The following TAFA1 variants were observed in gnomAD, a reference collection of about 807,000 sequenced individuals.
TAFA1 encodes chemokine-like protein TAFA-1.
A neutral mutation model predicts 18.5 loss-of-function variants in TAFA1; 4 were observed. That is an observed-to-expected ratio of 0.22 (90% CI 0.11 to 0.49). The LOEUF is 0.49. Ranked by LOEUF, TAFA1 falls within the 20% of genes least tolerant of loss-of-function variation. TAFA1 has a pLI of 0.98. For synonymous variants in TAFA1, 56 were observed against 55.2 expected, an observed-to-expected ratio of 1.01 and a Z score of -0.06; for missense variants, 147 against 169.0, an observed-to-expected ratio of 0.87 and a Z score of 0.72.
rs544228022 is a variant in TAFA1 at position 68,518,728 on chromosome 3, G to A, written c.260-20028G>A. Among the ~76,000 whole-genome samples, 17 of 152,224 alleles carry A rather than the reference G, an allele frequency of 1.1e-4. No individual in the cohort carries two copies. The South Asian group carries it at 3.5e-3, about 32-fold the overall frequency. Reference sequence around the variant, plus strand: ...ATAGGGGGAATGGAACATGTAGAGGGGTTAAGACAAGGTCCCATGACCACA... The same window carrying A: ...ATAGGGGGAATGGAACATGTAGAGGAGTTAAGACAAGGTCCCATGACCACA... On this transcript the variant is annotated intron_variant, in intron 3 of 4. Coordinates refer to ENST00000478136, the MANE Select transcript of TAFA1 (RefSeq NM_213609.4).
intron 2 of TAFA1, among the ~76,000 whole-genome samples, chr3:68,197,062 C>T (rs773232035): frequency 2.6e-4 from 40 of 151,750 alleles, no homozygotes; most frequent in Non-Finnish European, 5.0e-4. Context: ...ACAGCCTCAA[C>T]ATGTGTCACT....
At chr3:68,058,727 G>A (rs1470826554) in intron 2 of TAFA1, among the ~76,000 whole-genome samples, 1 of 152,190 alleles carries the variant, frequency 6.6e-6, no homozygotes, top group Admixed American at 6.5e-5. Flanking sequence ...GCTGCTTGTT[G>A]AACAGAGTTG....
chr3:67,993,011 T>G, the TAFA1 span, among the ~76,000 whole-genome samples: 1 of 152,202 alleles, frequency 6.6e-6, no homozygotes, highest in East Asian at 1.9e-4. Flanking sequence ...GGTCTGTGAT[T>G]GAGGAATCTT....
intron 2 of TAFA1, among the ~76,000 whole-genome samples, chr3:68,289,825 G>T (rs550187068): frequency 6.6e-6 from 1 of 152,286 alleles, no homozygotes; most frequent in African/African-American, 2.4e-5. Context: ...GATTCAGCAG[G>T]CAAGAGATTT....
chr3:68,541,919 G>T (rs191984483), intron 4 of TAFA1, among the ~76,000 whole-genome samples: 3 of 152,004 alleles, frequency 2.0e-5, no homozygotes, highest in Non-Finnish European at 4.4e-5. Context: ...AAACTTTATG[G>T]TGTTCATTTT....
chr3:68,352,040 G>C (rs2069279871), intron 2 of TAFA1, among the ~76,000 whole-genome samples: 1 of 151,984 alleles, frequency 6.6e-6, no homozygotes, highest in East Asian at 1.9e-4. Flanking sequence ...AAGGAATAGA[G>C]ATGTATAATC....
At chr3:68,223,644 G>A (rs2066759564) in intron 2 of TAFA1, among the ~76,000 whole-genome samples, 1 of 152,012 alleles carries the variant, frequency 6.6e-6, no homozygotes. Context: ...CCAAGCCTTG[G>A]AAGTCAAACA....
At chr3:68,379,770 T>G (rs997453870) in intron 2 of TAFA1, among the ~76,000 whole-genome samples, 1 of 151,812 alleles carries the variant, frequency 6.6e-6, no homozygotes, top group Non-Finnish European at 1.5e-5. Context: ...TTTTTTAAAT[T>G]TTATTATTAT....
At chr3:68,213,712 G>A (rs911299317) in intron 2 of TAFA1, among the ~76,000 whole-genome samples, 3 of 152,024 alleles carry the variant, frequency 2.0e-5, no homozygotes, top group Admixed American at 6.6e-5. Context: ...TAAATCACAT[G>A]CCACATCTTT....
At chr3:68,165,704 G>T (rs2065974818) in intron 2 of TAFA1, among the ~76,000 whole-genome samples, 1 of 152,166 alleles carries the variant, frequency 6.6e-6, no homozygotes, top group Non-Finnish European at 1.5e-5. Context: ...TGTGTGCCAG[G>T]CACATTTCTA....
At chr3:68,325,865 T>C (rs1259614913) in intron 2 of TAFA1, among the ~76,000 whole-genome samples, 1 of 152,094 alleles carries the variant, frequency 6.6e-6, no homozygotes, top group Non-Finnish European at 1.5e-5. Flanking sequence ...TTGAGAGAGG[T>C]TAAATAATCT....
intron 2 of TAFA1, among the ~76,000 whole-genome samples, chr3:68,367,862 A>T (rs185432339): frequency 1.5e-4 from 23 of 152,326 alleles, no homozygotes; most frequent in Non-Finnish European, 4.4e-5. Flanking sequence ...AGACAAAAAA[A>T]TAAAGGACAA....
chr3:68,375,650 G>T (rs2069796061), intron 2 of TAFA1, among the ~76,000 whole-genome samples: 1 of 152,126 alleles, frequency 6.6e-6, no homozygotes, highest in Non-Finnish European at 1.5e-5. Context: ...AAACAGATGT[G>T]AAGTCTGCTT....
At chr3:68,079,091 A>G (rs1205944309) in intron 2 of TAFA1, among the ~76,000 whole-genome samples, 3 of 152,092 alleles carry the variant, frequency 2.0e-5, no homozygotes, top group Non-Finnish European at 4.4e-5. Flanking sequence ...TTTCTAGTTT[A>G]TCTGCATAGA....
In TAFA1 at chr3:68,080,398, C is replaced by G. The variant is rs138628535; in HGVS notation, c.118+73654C>G. ...TTTTGCTCGTTAGTTGATGCAGTTTCTTCCTAGTCTCGATGGTCTTTACAT... is the reference window on the plus strand; with the variant it reads ...TTTTGCTCGTTAGTTGATGCAGTTTGTTCCTAGTCTCGATGGTCTTTACAT... On this transcript the variant is annotated intron_variant, in intron 2 of 4. Transcript: ENST00000478136. 6.6e-5 allele frequency among the ~76,000 whole-genome samples: 10 copies of G among 152,012 alleles called. No individual in the cohort carries two copies. In the South Asian group the frequency reaches 2.1e-3, roughly 32 times the overall value.
intron 2 of TAFA1, among the ~76,000 whole-genome samples, chr3:68,057,903 C>T (rs1215386520): frequency 1.3e-5 from 2 of 152,166 alleles, no homozygotes; most frequent in East Asian, 3.9e-4. Context: ...GGATTCTCCC[C>T]TAGAACCTTC....
intron 3 of TAFA1, among the ~76,000 whole-genome samples, chr3:68,445,499 T>C (rs1261822093): frequency 2.0e-5 from 3 of 152,196 alleles, no homozygotes; most frequent in African/African-American, 7.2e-5. Context: ...TAGATATTTA[T>C]ATTGAACAAA....
intron 2 of TAFA1, among the ~76,000 whole-genome samples, chr3:68,050,012 C>G (rs1049574790): frequency 2.0e-5 from 3 of 152,044 alleles, no homozygotes; most frequent in African/African-American, 7.2e-5. Flanking sequence ...GCTCACATCT[C>G]CAATTACTAG....
At chr3:68,288,245 C>A (rs1575749012) in intron 2 of TAFA1, among the ~76,000 whole-genome samples, 1 of 152,182 alleles carries the variant, frequency 6.6e-6, no homozygotes, top group South Asian at 2.1e-4. Context: ...CAAAACAGAG[C>A]CGGGTTCCAG....
Sources: gnomAD v4.1 joint callset for allele counts (sites outside exome capture counted in the v4.1 genomes callset) on GRCh38, gnomAD v4.1.1 for gene constraint, MANE v1.5 for transcripts, NCBI Gene and HGNC (gene_info 2026-07-23, HGNC 2026-07-21) for gene names.